The following NKAIN3 variants were observed in gnomAD, a reference collection of about 807,000 sequenced individuals.
NKAIN3 encodes sodium/potassium transporting ATPase interacting 3.
Under a neutral mutation model 30.2 loss-of-function variants are expected in NKAIN3, and 25 were observed. The ratio of observed to expected loss-of-function variants is 0.83; its 90% CI spans 0.60 to 1.16. The LOEUF is 1.16. Ranked by LOEUF, NKAIN3 falls within the 50% of genes most tolerant of loss-of-function variation. The pLI is 0.00. For synonymous variants in NKAIN3, 91 were observed against 89.6 expected (o/e 1.02, Z -0.09); for missense variants, 225 against 254.1 (o/e 0.89, Z 0.78).
At chr8:62,338,279 G>C (rs1815632449) in intron 1 of NKAIN3, among the ~76,000 whole-genome samples, 2 of 151,646 alleles carry the variant, frequency 1.3e-5, no homozygotes, top group South Asian at 4.2e-4. Context: ...AAAAAAATGG[G>C]AAATAATTAT....
At chr8:62,863,812 A>C in intron 4 of NKAIN3, 1 of 1,611,388 alleles carries the variant, frequency 6.2e-7, no homozygotes, top group Non-Finnish European at 8.5e-7. Flanking sequence ...TAATAACATG[A>C]TACCGGCCAT....
At chr8:62,304,912 G>T (rs770877922) in intron 1 of NKAIN3, among the ~76,000 whole-genome samples, 8 of 150,508 alleles carry the variant, frequency 5.3e-5, no homozygotes, top group Non-Finnish European at 1.0e-4. Context: ...AGGCTCAGTT[G>T]TACTGGAAAG....
At position 62,620,311 on chromosome 8, in the gene NKAIN3, G is replaced by A. The variant is rs74505077; in HGVS notation, c.273+30517G>A. On this transcript the variant is annotated intron_variant, in intron 3 of 6. Transcript: ENST00000623646. ...TCTTATGATCTTCACAGGAGGGTCA[G>A]AAAGCCCTTCCTAGGTTTTATGACC... Among the ~76,000 whole-genome samples the A allele has an allele frequency of 1.7e-3, 254 of 152,220 alleles. 1 individual carries two copies. Among genetic ancestry groups the A allele is most frequent in the Middle Eastern group, 0.014 (4 of 294 alleles).
rs1554575777 is a variant in NKAIN3, at chr8:62,765,262, A to AG, written c.471+18133_471+18134insG. On this transcript the variant is annotated intron_variant, in intron 4 of 6. Coordinates refer to ENST00000623646, the MANE Select transcript of NKAIN3 (RefSeq NM_001304533.3). ...ACTCCATCTCAAAAAAAAAAAAAAA[A>AG]AAAAGAAAAGAAAAGAAAAGAAAAG... 1.8e-3 allele frequency among the ~76,000 whole-genome samples: 249 copies of AG among 137,562 alleles called. 2 individuals carry two copies. Among genetic ancestry groups the AG allele is most frequent in the African/African-American group, 6.4e-3 (242 of 37,586 alleles). The allele number at this position is 137,562 out of a possible 152,430, so 90.2% of individuals were successfully genotyped here.
At chr8:62,373,971 G>A (rs1183817164) in intron 1 of NKAIN3, among the ~76,000 whole-genome samples, 1 of 151,862 alleles carries the variant, frequency 6.6e-6, no homozygotes, top group Non-Finnish European at 1.5e-5. Flanking sequence ...AAATTAGCCA[G>A]GCGTGGTGGC....
At chr8:62,435,943 G>T (rs1299938020) in intron 1 of NKAIN3, among the ~76,000 whole-genome samples, 1 of 152,058 alleles carries the variant, frequency 6.6e-6, no homozygotes, top group African/African-American at 2.4e-5. Flanking sequence ...ATTCTACACA[G>T]TATGCCTTTA....
At chr8:62,596,574 A>G (rs375776146) in intron 3 of NKAIN3, among the ~76,000 whole-genome samples, 2 of 151,602 alleles carry the variant, frequency 1.3e-5, no homozygotes, top group East Asian at 2.0e-4. Context: ...CTGTATATAT[A>G]TTTACCCTTT....
intron 3 of NKAIN3, among the ~76,000 whole-genome samples, chr8:62,667,446 A>C (rs1041006593): frequency 6.7e-6 from 1 of 149,704 alleles, no homozygotes; most frequent in Non-Finnish European, 1.5e-5. Flanking sequence ...GGACCAACCC[A>C]CAGATGTGAT....
intron 4 of NKAIN3, among the ~76,000 whole-genome samples, chr8:62,857,307 C>A (rs1820092223): frequency 6.6e-6 from 1 of 152,136 alleles, no homozygotes; most frequent in South Asian, 2.1e-4. Flanking sequence ...CCTTAGAGAT[C>A]TGATGATTAT....
chr8:62,929,783 G>C (rs72655091), intron 5 of NKAIN3, among the ~76,000 whole-genome samples: 3 of 152,040 alleles, frequency 2.0e-5, no homozygotes, highest in Admixed American at 2.0e-4. Flanking sequence ...ATGCAGCCCA[G>C]GGTGACTTTA....
At chr8:62,455,296 A>T (rs1181234666) in intron 1 of NKAIN3, among the ~76,000 whole-genome samples, 1 of 152,226 alleles carries the variant, frequency 6.6e-6, no homozygotes, top group East Asian at 1.9e-4. Flanking sequence ...GATTGGATAA[A>T]GAAAGTGCGG....
At chr8:62,796,108 G>A (rs539125408) in intron 4 of NKAIN3, among the ~76,000 whole-genome samples, 12 of 152,054 alleles carry the variant, frequency 7.9e-5, no homozygotes, top group Non-Finnish European at 1.3e-4. Flanking sequence ...AGTAGGCCAG[G>A]CAGGGTGGCT....
At chr8:62,520,870 C>G (rs190317202) in intron 1 of NKAIN3, among the ~76,000 whole-genome samples, 1 of 151,462 alleles carries the variant, frequency 6.6e-6, no homozygotes, top group Admixed American at 6.6e-5. Flanking sequence ...GAGAGACAAG[C>G]GAAATGTCAC....
chr8:62,646,138 G>GAAAAAAAAAAA (rs75073790), intron 3 of NKAIN3, among the ~76,000 whole-genome samples: 8 of 116,176 alleles, frequency 6.9e-5, no homozygotes, highest in African/African-American at 2.4e-4. Context: ...CCTCATTCTG[G>GAAAAAAAAAAA]AAAAAAAAAA....
chr8:62,694,159 A>G (rs866617289), intron 3 of NKAIN3, among the ~76,000 whole-genome samples: 1 of 152,116 alleles, frequency 6.6e-6, no homozygotes, highest in South Asian at 2.1e-4. Flanking sequence ...CTACTATACT[A>G]TCAACTCCTG....
intron 1 of NKAIN3, among the ~76,000 whole-genome samples, chr8:62,463,804 A>G (rs937752369): frequency 1.9e-4 from 29 of 152,346 alleles, no homozygotes; most frequent in African/African-American, 6.5e-4. Context: ...TAGGTAGAGT[A>G]AAAGATTAAC....
chr8:62,483,012 A>G (rs1303385072), intron 1 of NKAIN3: 10 of 151,992 alleles, frequency 6.6e-5, no homozygotes, highest in Non-Finnish European at 1.3e-4. Context: ...GGAGAAGAAA[A>G]CCCACCAGAG....
intron 3 of NKAIN3, among the ~76,000 whole-genome samples, chr8:62,712,582 A>G (rs1490204603): frequency 6.6e-6 from 1 of 152,154 alleles, no homozygotes; most frequent in Non-Finnish European, 1.5e-5. Context: ...TCTCACTCCC[A>G]GCGTGCACCA....
chr8:62,784,504 C>A (rs902067507), intron 4 of NKAIN3, among the ~76,000 whole-genome samples: 1 of 151,858 alleles, frequency 6.6e-6, no homozygotes, highest in Non-Finnish European at 1.5e-5. Flanking sequence ...CTATGAGCAA[C>A]TGTATGCCAA....
Sources: allele counts gnomAD v4.1 joint callset (sites outside exome capture counted in the v4.1 genomes callset), GRCh38; gene constraint gnomAD v4.1.1; transcripts MANE v1.5; gene names NCBI Gene and HGNC (gene_info 2026-07-23, HGNC 2026-07-21).